The following ANAPC4 variants were observed in gnomAD, a reference collection of about 807,000 sequenced individuals.
ANAPC4 encodes the protein anaphase promoting complex subunit 4.
Under a neutral mutation model 119.8 loss-of-function variants are expected in ANAPC4, and 63 were observed. The observed-to-expected ratio is 0.53, with a 90% CI of 0.43 to 0.65. ANAPC4 has a LOEUF of 0.65. Ranked by LOEUF, ANAPC4 falls within the 30% of genes least tolerant of loss-of-function variation. ANAPC4 has a pLI of 0.00. For synonymous variants in ANAPC4, 283 were observed against 318.6 expected, an observed-to-expected ratio of 0.89 and a Z score of 1.19; for missense variants, 716 against 945.1, an observed-to-expected ratio of 0.76 and a Z score of 3.18.
chr4:25,406,985 C>A, intron 19 of ANAPC4, 100 bp downstream of exon 19: 2 of 1,009,528 alleles, frequency 2.0e-6, no homozygotes, highest in Non-Finnish European at 1.5e-6. Context: ...TAATTGAAGT[C>A]TATAGCAATT....
At chr4:25,388,790 T>G in intron 6 of ANAPC4, 47 bp downstream of exon 6, 1 of 1,600,518 alleles carries the variant, frequency 6.2e-7, no homozygotes, top group Non-Finnish European at 8.5e-7. Context: ...TCTGCTATTA[T>G]TTGGAAGACA....
intron 21 of ANAPC4, chr4:25,413,020 G>C (rs1273943935): frequency 4.6e-5 from 7 of 151,604 alleles, no homozygotes; most frequent in African/African-American, 1.7e-4. Flanking sequence ...TAGATACTTA[G>C]TTATTTTCAC....
intron 3 of ANAPC4, chr4:25,380,719 G>A (rs1043061004): frequency 2.3e-5 from 8 of 342,520 alleles, no homozygotes; most frequent in African/African-American, 1.3e-4. Context: ...AGATAACTCC[G>A]AAGTGAAATC....
At chr4:25,396,999 T>A in intron 16 of ANAPC4, 100 bp downstream of exon 16, 1 of 1,218,046 alleles carries the variant, frequency 8.2e-7, no homozygotes, top group Non-Finnish European at 1.2e-6. Flanking sequence ...AAAATCAGTT[T>A]TTAAATTTTT....
intron 14 of ANAPC4, 120 bp downstream of exon 14, chr4:25,395,025 T>C: frequency 1.4e-6 from 1 of 709,308 alleles, no homozygotes; most frequent in Non-Finnish European, 2.3e-6. Context: ...GCTAAAATTG[T>C]TGCATGGCAT....
intron 7 of ANAPC4, among the ~76,000 whole-genome samples, chr4:25,389,397 T>A (rs1031713591): frequency 6.6e-6 from 1 of 151,998 alleles, no homozygotes; most frequent in Non-Finnish European, 1.5e-5. Flanking sequence ...GACCTCGTGA[T>A]CCACCCGCCT....
intron 4 of ANAPC4, among the ~76,000 whole-genome samples, chr4:25,384,049 C>G (rs1016275769): frequency 4.6e-5 from 7 of 152,204 alleles, no homozygotes; most frequent in Non-Finnish European, 1.0e-4. Flanking sequence ...AGAGTCAGCT[C>G]TCTCCAACTC....
At chr4:25,416,662 TC>T in intron 27 of ANAPC4, 64 bp downstream of exon 27, 1 of 1,307,856 alleles carries the variant, frequency 7.6e-7, no homozygotes. Context: ...CATTATAAAT[TC>T]CAACCTTTTA....
intron 20 of ANAPC4, 29 bp from the exon 21 acceptor site, chr4:25,409,669 A>T (rs1723454684): frequency 6.6e-7 from 1 of 1,526,636 alleles, no homozygotes; most frequent in African/African-American, 1.4e-5. Context: ...GGTATGAATA[A>T]ACTTAAATTT....
intron 7 of ANAPC4, 133 bp from the exon 8 acceptor site, chr4:25,390,003 G>C (rs1197618803): frequency 1.8e-6 from 1 of 540,760 alleles, no homozygotes; most frequent in East Asian, 3.1e-5. Context: ...TGGATTTGAT[G>C]TCTCACTTCC....
chr4:25,418,137 TG>T lies in ANAPC4; in HGVS notation c.2200-16del. On this transcript the variant is annotated splice_polypyrimidine_tract_variant and intron_variant, in intron 28 of 28. Coordinates refer to ENST00000315368, the MANE Select transcript of ANAPC4 (RefSeq NM_013367.3). ...AGCCATTAATTTAAAAATGCTTTTA[TG>T]GCCTTTTCTTTTTTAGTTAAGCTCA... The T allele has an allele frequency of 6.3e-7, 1 of 1,598,438 alleles. No homozygotes were observed. The highest frequency in any genetic ancestry group is 1.1e-5 in the South Asian group (1 of 88,164).
chr4:25,377,358 CGGGGCTCCTCGTGGAGAGCCG>C lies in ANAPC4; in HGVS notation c.-11+24_-10-30del. ...GGACTCTTGCAGGTACAGGCGCGGT[CGGGGCTCCTCGTGGAGAGCCG>C]GGGGCTCCTGCCGGCCTCTGACTGG... is the stretch of plus-strand genomic sequence containing the variant. On this transcript the variant is annotated intron_variant, in intron 1 of 28. Transcript: ENST00000315368. 6.3e-7 allele frequency: 1 copy of C among 1,588,328 alleles called. No homozygotes were observed. The highest frequency in any genetic ancestry group is 8.6e-7 in the Non-Finnish European group (1 of 1,167,494).
intron 14 of ANAPC4, chr4:25,395,492 G>A (rs987831213): frequency 5.3e-5 from 8 of 152,342 alleles, no homozygotes; most frequent in African/African-American, 1.9e-4. Context: ...GAGTCTTGCC[G>A]AGGCTGGAGT....
intron 22 of ANAPC4, chr4:25,414,017 A>C (rs1723722406): frequency 2.1e-6 from 1 of 474,962 alleles, no homozygotes; most frequent in Admixed American, 3.9e-5. Flanking sequence ...AATTCATTGT[A>C]AACAGTCTTA....
At chr4:25,417,845 A>G in intron 28 of ANAPC4, 106 bp downstream of exon 28, 1 of 1,411,378 alleles carries the variant, frequency 7.1e-7, no homozygotes, top group South Asian at 1.4e-5. Flanking sequence ...TTGTGCAAAT[A>G]TTTTTACTGT....
chr4:25,402,922 T>A, intron 16 of ANAPC4, 49 bp from the exon 17 acceptor site: 2 of 1,058,600 alleles, frequency 1.9e-6, no homozygotes, highest in Non-Finnish European at 2.8e-6. Flanking sequence ...GATGTATGAA[T>A]CCCCCACACA....
At chr4:25,391,600 C>T (rs1722350929) in intron 9 of ANAPC4, among the ~76,000 whole-genome samples, 1 of 152,184 alleles carries the variant, frequency 6.6e-6, no homozygotes, top group African/African-American at 2.4e-5. Flanking sequence ...TGCGTGCTGT[C>T]TGCATTGTAG....
intron 2 of ANAPC4, among the ~76,000 whole-genome samples, chr4:25,378,997 G>A (rs1560426375): frequency 6.6e-6 from 1 of 152,210 alleles, no homozygotes; most frequent in African/African-American, 2.4e-5. Context: ...GTGAAGGCAT[G>A]TGTGGGGAGA....
chr4:25,415,905 TTCAAAATGG>T (rs1320101902), intron 26 of ANAPC4: 1 of 187,556 alleles, frequency 5.3e-6, no homozygotes, highest in African/African-American at 2.3e-5. Context: ...TTTCTTAGGA[TTCAAAATGG>T]TAACAGTACC....
Sources: allele counts gnomAD v4.1 joint callset (sites outside exome capture counted in the v4.1 genomes callset), GRCh38; gene constraint gnomAD v4.1.1; transcripts MANE v1.5; gene names NCBI Gene and HGNC (gene_info 2026-07-23, HGNC 2026-07-21).